The following TMEM144 variants were observed in gnomAD, a reference collection of about 807,000 sequenced individuals.
The protein encoded by TMEM144 is transmembrane protein 144.
TMEM144 carries 39 observed loss-of-function variants against 43.6 expected under a neutral mutation model. That is an observed-to-expected ratio of 0.90 (90% CI 0.69 to 1.17). The LOEUF is 1.17. Among genes scored for constraint, TMEM144 ranks in the 50% most tolerant of loss-of-function variants. TMEM144 has a pLI of 0.00. For synonymous variants in TMEM144, 154 were observed against 133.6 expected (o/e 1.15, Z -1.06); for missense variants, 417 against 411.9 (o/e 1.01, Z -0.11).
chr4:158,249,152 G>T (rs1485195555), intron 12 of TMEM144, among the ~76,000 whole-genome samples: 4 of 152,108 alleles, frequency 2.6e-5, no homozygotes, highest in Admixed American at 2.6e-4. Context: ...TGATCTGCCC[G>T]CCTCGGCCTC....
At chr4:158,241,179 TG>T (rs1391132027) in intron 10 of TMEM144, among the ~76,000 whole-genome samples, 1 of 152,062 alleles carries the variant, frequency 6.6e-6, no homozygotes, top group Non-Finnish European at 1.5e-5. Context: ...TTAATATCTA[TG>T]GTTTACGGTA....
intron 10 of TMEM144, among the ~76,000 whole-genome samples, chr4:158,240,868 A>C (rs960405137): frequency 6.6e-6 from 1 of 152,244 alleles, no homozygotes; most frequent in Non-Finnish European, 1.5e-5. Flanking sequence ...TTAAACATAC[A>C]TGCTTTTGGA....
At position 158,215,191 on chromosome 4, in the gene TMEM144, G is replaced by T; in HGVS notation, c.110G>T (p.Gly37Val). Residue 37 changes from glycine (G) to valine (V), a missense_variant and splice_region_variant, in exon 4 of 13, where the codon GGA becomes GTA. Gly to Val is a moderately radical substitution (Grantham distance 109, BLOSUM62 -3). Coordinates refer to ENST00000296529, the MANE Select transcript of TMEM144 (RefSeq NM_018342.5). ...TAACACTGAGTTTGTTTATTTCTAGGAATGTTTCTCCAGTGGGTTCTTTGT... is the reference window on the plus strand; with the variant it reads ...TAACACTGAGTTTGTTTATTTCTAGTAATGTTTCTCCAGTGGGTTCTTTGT... ...VPLKKFDTGDGMFLQWVLCAA... is the reference protein window; with the variant it reads ...VPLKKFDTGDVMFLQWVLCAA... 1.2e-6 allele frequency: 2 copies of T among 1,613,436 alleles called. No homozygotes were observed. Among genetic ancestry groups the T allele is most frequent in the Non-Finnish European group, 1.7e-6 (2 of 1,179,572 alleles).
At chr4:158,237,209 T>C (rs961255581) in intron 8 of TMEM144, 2 of 209,672 alleles carry the variant, frequency 9.5e-6, no homozygotes, top group Non-Finnish European at 1.9e-5. Flanking sequence ...AGTTTATTTA[T>C]GTAGACTGTA....
chr4:158,248,222 C>CA (rs2111153723), intron 12 of TMEM144, among the ~76,000 whole-genome samples: 1 of 151,208 alleles, frequency 6.6e-6, no homozygotes, highest in East Asian at 2.0e-4. Flanking sequence ...CACTTGAGCT[C>CA]AGGAGTTCAA....
intron 3 of TMEM144, among the ~76,000 whole-genome samples, 163 bp from the exon 4 acceptor site, chr4:158,215,028 A>C (rs1579100939): frequency 6.6e-6 from 1 of 152,188 alleles, no homozygotes; most frequent in East Asian, 1.9e-4. Flanking sequence ...AGCTAGGGTT[A>C]ATTATGTTGC....
chr4:158,220,469 A>G (rs1364406099), intron 6 of TMEM144, among the ~76,000 whole-genome samples: 2 of 152,170 alleles, frequency 1.3e-5, no homozygotes, highest in African/African-American at 4.8e-5. Context: ...TTTCCTCCAT[A>G]TTTCTTCTTT....
intron 7 of TMEM144, chr4:158,234,649 G>C (rs1238015494): frequency 2.6e-5 from 4 of 152,096 alleles, no homozygotes; most frequent in Non-Finnish European, 4.4e-5. Flanking sequence ...ACCACAGATA[G>C]TACCAAACCT....
chr4:158,252,239 G>T (rs1468747866), intron 12 of TMEM144, among the ~76,000 whole-genome samples: 1 of 152,128 alleles, frequency 6.6e-6, no homozygotes, highest in Non-Finnish European at 1.5e-5. Flanking sequence ...CAGAGAAGTG[G>T]TTCTCAGTAG....
chr4:158,235,596 C>A, intron 8 of TMEM144, 91 bp downstream of exon 8: 1 of 1,305,978 alleles, frequency 7.7e-7, no homozygotes, highest in South Asian at 1.9e-5. Flanking sequence ...CATCTGAGTT[C>A]AAGAAGAAAA....
intron 6 of TMEM144, among the ~76,000 whole-genome samples, chr4:158,231,221 G>T (rs1348104045): frequency 6.6e-6 from 1 of 152,116 alleles, no homozygotes; most frequent in Non-Finnish European, 1.5e-5. Flanking sequence ...TAGGTTTCAT[G>T]GCTGGTTTTG....
intron 6 of TMEM144, among the ~76,000 whole-genome samples, chr4:158,219,913 G>C (rs1178921417): frequency 6.6e-6 from 1 of 152,086 alleles, no homozygotes; most frequent in East Asian, 1.9e-4. Context: ...CCCATGTTTG[G>C]TTGCATCTGT....
chr4:158,223,748 C>T (rs926905696), intron 6 of TMEM144, among the ~76,000 whole-genome samples: 7 of 152,196 alleles, frequency 4.6e-5, no homozygotes, highest in African/African-American at 1.7e-4. Context: ...GACCTCATTC[C>T]TCTTTATGGC....
At chr4:158,236,685 G>T (rs975344120) in intron 8 of TMEM144, among the ~76,000 whole-genome samples, 1 of 151,892 alleles carries the variant, frequency 6.6e-6, no homozygotes, top group Non-Finnish European at 1.5e-5. Flanking sequence ...TTTTTTGTGT[G>T]ATTTTTTTGT....
At chr4:158,218,604 TGTG>T (rs1354098073) in intron 5 of TMEM144, among the ~76,000 whole-genome samples, 1 of 151,898 alleles carries the variant, frequency 6.6e-6, no homozygotes, top group African/African-American at 2.4e-5. Flanking sequence ...AAAAAAAAAT[TGTG>T]GTGATGACAG....
chr4:158,243,182 A>G (rs1220139295), intron 11 of TMEM144, among the ~76,000 whole-genome samples: 1 of 152,188 alleles, frequency 6.6e-6, no homozygotes, highest in Non-Finnish European at 1.5e-5. Context: ...GTTTCCTCTC[A>G]TTCTGTTGAA....
intron 3 of TMEM144, 115 bp from the exon 4 acceptor site, chr4:158,215,076 C>A: frequency 7.8e-7 from 1 of 1,282,926 alleles, no homozygotes; most frequent in Non-Finnish European, 1.1e-6. Flanking sequence ...AAGTCCATGG[C>A]ATATGGCATT....
chr4:158,217,485 T>G (rs1055415945), intron 5 of TMEM144, 65 bp downstream of exon 5: 6 of 1,147,458 alleles, frequency 5.2e-6, no homozygotes, highest in Non-Finnish European at 7.9e-6. Context: ...AAGCAAGTGA[T>G]TACCGAGAGG....
At chr4:158,226,142 G>T (rs1734755855) in intron 6 of TMEM144, among the ~76,000 whole-genome samples, 1 of 152,200 alleles carries the variant, frequency 6.6e-6, no homozygotes. Context: ...AATTGCTAAA[G>T]TTTGTTTTAA....
Sources: gnomAD v4.1 joint callset for allele counts (sites outside exome capture counted in the v4.1 genomes callset) on GRCh38, gnomAD v4.1.1 for gene constraint, MANE v1.5 for transcripts, NCBI Gene and HGNC (gene_info 2026-07-23, HGNC 2026-07-21) for gene names.